Variants in CALD1 observed in about 807,000 individuals in gnomAD.
CALD1 encodes caldesmon 1, also known as caldesmon.
CALD1 carries 33 observed loss-of-function variants against 99.9 expected under a neutral mutation model. The observed-to-expected ratio is 0.33, with a 90% confidence interval of 0.25 to 0.44. The LOEUF is 0.44. Ranked by LOEUF, CALD1 falls within the 20% of genes least tolerant of loss-of-function variation. The pLI is 1.00. For missense variants in CALD1, 861 were observed against 962.1 expected (o/e 0.89, Z 1.39); for synonymous variants, 310 against 325.0 (o/e 0.95, Z 0.50).
intron 3 of CALD1, among the ~76,000 whole-genome samples, chr7:134,887,149 AC>A (rs1273616730): frequency 7.9e-5 from 12 of 152,356 alleles, no homozygotes; most frequent in African/African-American, 2.4e-4. Context: ...CCACTGGAAG[AC>A]TAGGATGAGG....
intron 6 of CALD1, 109 bp downstream of exon 6, chr7:134,935,874 T>C: frequency 9.4e-7 from 1 of 1,066,712 alleles, no homozygotes; most frequent in East Asian, 2.7e-5. Context: ...ATCCAGTGTA[T>C]TTCAAGCCAT....
At chr7:134,737,635 C>T in the CALD1 span, among the ~76,000 whole-genome samples, 44,857 of 151,998 alleles carry the variant, frequency 0.3, 9,671 homozygotes, top group African/African-American at 0.6. Flanking sequence ...TCTTGGGAGG[C>T]AGGAGGTAGT....
At chr7:134,839,963 G>A (rs564131718) in intron 1 of CALD1, among the ~76,000 whole-genome samples, 1 of 152,128 alleles carries the variant, frequency 6.6e-6, no homozygotes, top group Non-Finnish European at 1.5e-5. Context: ...TTTTTGATGT[G>A]TGGAAATTTT....
At chr7:134,876,498 A>G (rs1208797353) in intron 3 of CALD1, among the ~76,000 whole-genome samples, 1 of 152,262 alleles carries the variant, frequency 6.6e-6, no homozygotes, top group Non-Finnish European at 1.5e-5. Flanking sequence ...ATGTTTCTAA[A>G]TAAAGGAGAT....
chr7:134,765,337 A>C (rs1270616209), intron 1 of CALD1, among the ~76,000 whole-genome samples: 1 of 152,100 alleles, frequency 6.6e-6, no homozygotes, highest in East Asian at 1.9e-4. Context: ...AAAGAAAGAA[A>C]AGTTCAGGGT....
chr7:134,909,073 T>C (rs1159176360), intron 3 of CALD1, among the ~76,000 whole-genome samples: 1 of 152,218 alleles, frequency 6.6e-6, no homozygotes, highest in Admixed American at 6.5e-5. Context: ...TCCCTGCAAG[T>C]TATTCATCCC....
intron 1 of CALD1, among the ~76,000 whole-genome samples, chr7:134,840,029 T>C (rs112499937): frequency 1.3e-5 from 2 of 152,370 alleles, no homozygotes; most frequent in African/African-American, 2.4e-5. Context: ...TTTCTCAATC[T>C]ATGGCTAGCA....
At chr7:134,753,186 C>CA (rs1484924919) in intron 1 of CALD1, among the ~76,000 whole-genome samples, 1 of 152,062 alleles carries the variant, frequency 6.6e-6, no homozygotes, top group Non-Finnish European at 1.5e-5. Context: ...AGACAAGACT[C>CA]AGCTCTGAAA....
intron 1 of CALD1, among the ~76,000 whole-genome samples, chr7:134,769,548 T>C (rs1796859143): frequency 6.6e-6 from 1 of 152,194 alleles, no homozygotes; most frequent in East Asian, 1.9e-4. Flanking sequence ...GGACTGTTTA[T>C]CCTATGCCTA....
At chr7:134,774,735 C>G (rs1585906742), upstream of CALD1, among the ~76,000 whole-genome samples, 1 of 152,176 alleles carries the variant, frequency 6.6e-6, no homozygotes, top group Non-Finnish European at 1.5e-5. Context: ...TTCACAGGAC[C>G]AGATTTCAGT....
At chr7:134,935,596 A>G in intron 5 of CALD1, 92 bp from the exon 6 acceptor site, 1 of 1,511,116 alleles carries the variant, frequency 6.6e-7, no homozygotes, top group Non-Finnish European at 8.8e-7. Flanking sequence ...CCCACGCAGC[A>G]CTTGCAAGGC....
At chr7:134,790,721 AG>A (rs1487360689) in intron 1 of CALD1, among the ~76,000 whole-genome samples, 1 of 152,200 alleles carries the variant, frequency 6.6e-6, no homozygotes, top group African/African-American at 2.4e-5. Flanking sequence ...AAGCCAGAGA[AG>A]TAGTTTTGTG....
intron 3 of CALD1, among the ~76,000 whole-genome samples, chr7:134,880,208 C>A (rs559949850): frequency 6.6e-6 from 1 of 152,278 alleles, no homozygotes; most frequent in Non-Finnish European, 1.5e-5. Context: ...TTGCATGCTT[C>A]ATGGGGCTCT....
At chr7:134,930,956 A>G (rs75724254) in intron 4 of CALD1, among the ~76,000 whole-genome samples, 1,621 of 152,318 alleles carry the variant, frequency 0.011, 21 homozygotes, top group African/African-American at 0.037. Flanking sequence ...CTTGTTATTA[A>G]TGAGTGGTCA....
At chr7:134,914,024 C>T (rs919130204) in intron 3 of CALD1, among the ~76,000 whole-genome samples, 2 of 152,250 alleles carry the variant, frequency 1.3e-5, no homozygotes, top group Middle Eastern at 6.8e-3. Flanking sequence ...CCTCTTAGAT[C>T]CCAGGTTACC....
intron 2 of CALD1, among the ~76,000 whole-genome samples, chr7:134,862,562 G>T (rs890953283): frequency 2.0e-5 from 3 of 152,154 alleles, no homozygotes; most frequent in Non-Finnish European, 4.4e-5. Flanking sequence ...CAGGGTTTTG[G>T]AGTAAGGAGA....
At chr7:134,879,335 G>A (rs1405868776) in intron 3 of CALD1, among the ~76,000 whole-genome samples, 6 of 152,202 alleles carry the variant, frequency 3.9e-5, no homozygotes, top group African/African-American at 1.4e-4. Context: ...AATAAAATCA[G>A]TTCTTTCCAC....
At chr7:134,906,340 G>T (rs1803384805) in intron 3 of CALD1, among the ~76,000 whole-genome samples, 2 of 152,224 alleles carry the variant, frequency 1.3e-5, no homozygotes, top group Admixed American at 1.3e-4. Flanking sequence ...CCACTTTGGG[G>T]TTGGCCGGGT....
intron 3 of CALD1, among the ~76,000 whole-genome samples, chr7:134,916,562 A>G (rs982490940): frequency 6.6e-6 from 1 of 152,210 alleles, no homozygotes; most frequent in African/African-American, 2.4e-5. Flanking sequence ...GATGCTGAGA[A>G]TTCACTCAGC....
Sources: gnomAD v4.1 joint callset for allele counts (sites outside exome capture counted in the v4.1 genomes callset) on GRCh38, gnomAD v4.1.1 for gene constraint, MANE v1.5 for transcripts, NCBI Gene and HGNC (gene_info 2026-07-23, HGNC 2026-07-21) for gene names.